Variants in SYNE1 observed in about 807,000 individuals in gnomAD.
SYNE1 encodes the protein spectrin repeat containing nuclear envelope protein 1.
SYNE1 carries 616 observed loss-of-function variants against 1,111.0 expected under a neutral mutation model. That is an observed-to-expected ratio of 0.55 (90% CI 0.52 to 0.59). The LOEUF is 0.59. Ranked by LOEUF, SYNE1 falls within the 20% of genes least tolerant of loss-of-function variation. The pLI, the probability that SYNE1 is intolerant of heterozygous loss-of-function variation, is 0.00. For missense variants in SYNE1, 10,006 were observed against 10,417.0 expected (o/e 0.96, Z 1.72); for synonymous variants, 3,855 against 3,825.8 (o/e 1.01, Z -0.28).
In SYNE1 at chr6:152,399,789, T is replaced by C. The variant is rs377180714; in HGVS notation, c.7064A>G (p.Asn2355Ser). The C allele has an allele frequency of 6.2e-6, 10 of 1,614,074 alleles. No homozygotes were observed. The African/African-American group carries it at 1.3e-4, about 22-fold the overall frequency. Residue 2355 changes from asparagine (N) to serine (S), a missense_variant, in exon 48 of 146, where the codon AAC becomes AGC. Coordinates refer to ENST00000367255, the MANE Select transcript of SYNE1 (RefSeq NM_182961.4). ...IQKELQSQQS[N>S]ISSTQENLNS... is the part of the protein sequence containing the mutation. ...GAGATTTTCTTGGGTAGAGCTGATG[T>C]TGCTTTGTTGACTTTGAAGTTCTTT...
At position 152,189,379 on chromosome 6, in the gene SYNE1, G is replaced by C. The variant is rs1433789257; in HGVS notation, c.23174C>G (p.Thr7725Arg). ...KELENAVGSW[T>R]DDLTQLSLLK... ...CAGGCTCAACTGGGTCAAGTCATCT[G>C]TCCAGCTCCCAACTGCATTTTCTAA... The change falls in exon 128 of 146, where the codon ACA becomes AGA. Residue 7725 changes from threonine to arginine, a missense_variant. Physicochemically the swap from Thr to Arg is moderately conservative, Grantham distance 71 (BLOSUM62 -1). Around this residue, in one of 7 missense-constraint regions of SYNE1, gnomAD observed 2,182 missense variants for 2,287.8 expected, o/e 0.95. Coordinates refer to ENST00000367255, the MANE Select transcript of SYNE1 (RefSeq NM_182961.4). 1.2e-6 allele frequency: 2 copies of C among 1,614,086 alleles called. No homozygotes were observed. The highest frequency in any genetic ancestry group is 1.7e-6 in the Non-Finnish European group (2 of 1,179,996).
chr6:152,303,957 C>A (rs1404727859), intron 91 of SYNE1, among the ~76,000 whole-genome samples: 2 of 152,124 alleles, frequency 1.3e-5, no homozygotes, highest in Non-Finnish European at 2.9e-5. Flanking sequence ...TTGTTTGTTT[C>A]TTCCTGCCCA....
intron 24 of SYNE1, among the ~76,000 whole-genome samples, chr6:152,454,357 T>G (rs759144646): frequency 9.9e-5 from 15 of 152,168 alleles, no homozygotes; most frequent in Non-Finnish European, 2.1e-4. Flanking sequence ...GGGGTCCTCA[T>G]GATAGGATTA....
At chr6:152,216,544 C>T (rs754725603) in intron 121 of SYNE1, among the ~76,000 whole-genome samples, 5 of 152,078 alleles carry the variant, frequency 3.3e-5, no homozygotes, top group African/African-American at 9.7e-5. Flanking sequence ...GGAAATATCA[C>T]GGGCACAGTG....
At position 152,136,833 on chromosome 6, in the gene SYNE1, A is replaced by G. The variant is rs1376587281; in HGVS notation, c.25459-15T>C. 6 of 1,612,826 alleles carry G rather than the reference A, an allele frequency of 3.7e-6. No homozygotes were observed. The highest frequency in any genetic ancestry group is 5.1e-6 in the Non-Finnish European group (6 of 1,178,884). On this transcript the variant is annotated splice_polypyrimidine_tract_variant and intron_variant, in intron 140 of 145. Coordinates refer to ENST00000367255, the MANE Select transcript of SYNE1 (RefSeq NM_182961.4). ...TTCTGGAGCTCCTGAAAAGAACAAA[A>G]AAGACAATCAAACAAGGACAATAAT...
intron 96 of SYNE1, among the ~76,000 whole-genome samples, chr6:152,282,336 G>A (rs954952705): frequency 1.3e-5 from 2 of 152,260 alleles, no homozygotes; most frequent in African/African-American, 4.8e-5. Flanking sequence ...AGTAGACACC[G>A]GACCTCTATT....
At chr6:152,237,336 CT>C (rs2084414547) in intron 108 of SYNE1, among the ~76,000 whole-genome samples, 1 of 137,918 alleles carries the variant, frequency 7.3e-6, no homozygotes, top group African/African-American at 2.7e-5. Context: ...TTTAGATAGG[CT>C]CTCACTCTGT....
At position 152,409,495 on chromosome 6, in the gene SYNE1, C is replaced by A. The variant is rs897822065; in HGVS notation, c.6381+64G>T. ...CTGATAAGAATAGTGCAGATAACTG[C>A]TTTATGAGTAAAAACCAGATCTACT... On this transcript the variant is annotated intron_variant, in intron 43 of 145. Transcript: ENST00000367255. 1.3e-5 allele frequency: 20 copies of A among 1,591,628 alleles called. No individual in the cohort carries two copies. The African/African-American group carries it at 2.7e-4, about 21-fold the overall frequency.
chr6:152,576,935 T>C (rs2099498976), intron 3 of SYNE1, among the ~76,000 whole-genome samples: 1 of 152,190 alleles, frequency 6.6e-6, no homozygotes, highest in South Asian at 2.1e-4. Flanking sequence ...CTAAAGCAAA[T>C]AGCATTTTTA....
At chr6:152,230,089 A>T (rs552355686) in intron 115 of SYNE1, among the ~76,000 whole-genome samples, 18 of 151,944 alleles carry the variant, frequency 1.2e-4, no homozygotes, top group African/African-American at 3.9e-4. Flanking sequence ...CTGAAGTGCC[A>T]TGGTGTAAAC....
intron 25 of SYNE1, chr6:152,453,282 G>C (rs960761458): frequency 1.7e-6 from 1 of 584,504 alleles, no homozygotes; most frequent in South Asian, 2.1e-5. Flanking sequence ...GCAGAGAGAA[G>C]CTTATGAAAT....
chr6:152,148,990 A>G lies in SYNE1; in HGVS notation c.24642+487T>C, dbSNP rs2059976990. ...ATAAGTAAGATGTGATTATGGTAGC[A>G]ATTAGGAAAATGGAAGAATGAAAAT... is the stretch of plus-strand genomic sequence containing the variant. On this transcript the variant is annotated intron_variant, in intron 136 of 145. Transcript: ENST00000367255. The surrounding 1 kb of genome is among the most constrained non-coding windows in gnomAD (Gnocchi z 4.1). Among the ~76,000 whole-genome samples the G allele has an allele frequency of 6.6e-6, 1 of 152,168 alleles. No homozygotes were observed. Among genetic ancestry groups the G allele is most frequent in the South Asian group, 2.1e-4 (1 of 4,826 alleles).
chr6:152,598,311 A>T (rs541524603), intron 3 of SYNE1, among the ~76,000 whole-genome samples: 16 of 152,264 alleles, frequency 1.1e-4, no homozygotes, highest in African/African-American at 3.6e-4. Flanking sequence ...GCCTGCTGCC[A>T]TGTGAGACGT....
chr6:152,432,670 C>T (rs564641572), intron 34 of SYNE1, among the ~76,000 whole-genome samples: 7 of 151,938 alleles, frequency 4.6e-5, no homozygotes, highest in South Asian at 2.1e-4. Context: ...AAAATAAATA[C>T]GTTGAAAAAT....
At chr6:152,375,800 C>T (rs774700723) in intron 58 of SYNE1, among the ~76,000 whole-genome samples, 3 of 152,108 alleles carry the variant, frequency 2.0e-5, no homozygotes, top group Admixed American at 2.0e-4. Context: ...ATAGAAAAAA[C>T]GTTTTATTAT....
chr6:152,294,158 A>T (rs529583172), intron 93 of SYNE1, 31 bp from the exon 94 acceptor site: 18 of 1,609,792 alleles, frequency 1.1e-5, no homozygotes, highest in Middle Eastern at 2.0e-4. Flanking sequence ...ATTGAATTAA[A>T]CAAAAAGACA....
intron 51 of SYNE1, among the ~76,000 whole-genome samples, chr6:152,392,611 G>A (rs2097662606): frequency 6.6e-6 from 1 of 152,084 alleles, no homozygotes; most frequent in Non-Finnish European, 1.5e-5. Context: ...GGGCCACCCT[G>A]AGATCTGCTA....
At chr6:152,186,556 CAAAAAAAAAAAAAAAAAAAAAAAAA>C (rs59187571) in intron 128 of SYNE1, among the ~76,000 whole-genome samples, 21 of 38,038 alleles carry the variant, frequency 5.5e-4, no homozygotes, top group South Asian at 3.0e-3. Flanking sequence ...AGCTCTGTGT[CAAAAAAAAAAAAAAAAAAAAAAAAA>C]AAAAAAAAAA....
At chr6:152,602,696 G>A (rs913936865) in intron 3 of SYNE1, among the ~76,000 whole-genome samples, 2 of 152,174 alleles carry the variant, frequency 1.3e-5, no homozygotes, top group African/African-American at 4.8e-5. Flanking sequence ...TATAAATACA[G>A]ATTTCTTGTG....
Sources: gnomAD v4.1 joint callset for allele counts (sites outside exome capture counted in the v4.1 genomes callset) on GRCh38, gnomAD v4.1.1 for gene constraint, gnomAD v4.1.1 regional missense constraint, Gnocchi (gnomAD v3.1) non-coding constraint, MANE v1.5 for transcripts, NCBI Gene and HGNC (gene_info 2026-07-23, HGNC 2026-07-21) for gene names.